The following CYFIP1 variants were observed in gnomAD, a reference collection of about 807,000 sequenced individuals.
The protein encoded by CYFIP1 is cytoplasmic FMR1 interacting protein 1, also known as cytoplasmic FMR1-interacting protein 1.
CYFIP1 carries 58 observed loss-of-function variants against 163.5 expected under a neutral mutation model. That is an observed-to-expected ratio of 0.35 (90% CI 0.29 to 0.44). CYFIP1 has a LOEUF of 0.44. Ranked by LOEUF, CYFIP1 falls within the 20% of genes least tolerant of loss-of-function variation. The pLI is 1.00. For missense variants in CYFIP1, 1,338 were observed against 1,653.8 expected, an observed-to-expected ratio of 0.81 and a Z score of 3.31; for synonymous variants, 663 against 660.7, an observed-to-expected ratio of 1.00 and a Z score of -0.05.
chr15:22,928,009 C>T lies in CYFIP1; in HGVS notation c.1130G>A (p.Arg377His), dbSNP rs370773976. 1.1e-5 allele frequency: 18 copies of T among 1,573,656 alleles called. No homozygotes were observed. The highest frequency in any genetic ancestry group is 9.5e-5 in the African/African-American group (7 of 73,572). Residue 377 changes from arginine (R) to histidine (H), a missense_variant, in exon 12 of 31, where the codon CGC becomes CAC. Physicochemically the swap from Arg to His is conservative, Grantham distance 29 (BLOSUM62 0). Transcript: ENST00000617928. ...SNSEVVTGSG[R>H]QEAQKTDAEY... ...CGCGTCCGTCTTCTGGGCCTCCTGGCGGCCCGAGCCCGTGACCACCTGCAC... is the reference window on the plus strand; with the variant it reads ...CGCGTCCGTCTTCTGGGCCTCCTGGTGGCCCGAGCCCGTGACCACCTGCAC...
chr15:22,906,667 A>G (rs933164394), intron 21 of CYFIP1, among the ~76,000 whole-genome samples: 9 of 151,734 alleles, frequency 5.9e-5, no homozygotes, highest in South Asian at 4.2e-4. Flanking sequence ...GGGTTTCACC[A>G]TGTTAGCCAG....
intron 29 of CYFIP1, 81 bp from the exon 30 acceptor site, chr15:22,873,053 T>C: frequency 1.3e-6 from 2 of 1,484,188 alleles, no homozygotes; most frequent in Non-Finnish European, 1.9e-6. Context: ...CAGATGTCAG[T>C]GACCAAGCCA....
At position 22,947,092 on chromosome 15, in the gene CYFIP1, G is replaced by A. The variant is rs2062086570; in HGVS notation, c.118C>T (p.Pro40Ser). 3.1e-6 allele frequency: 5 copies of A among 1,614,102 alleles called. No individual in the cohort carries two copies. The highest frequency in any genetic ancestry group is 4.2e-6 in the Non-Finnish European group (5 of 1,179,974). Reference protein sequence around the residue: ...EPPPSSLLYQPNFNTNFEDRN... With the variant: ...EPPPSSLLYQSNFNTNFEDRN... Reference sequence around the variant, plus strand: ...TCTTCAAAGTTAGTGTTGAAATTTGGCTGAAGGAAAGGAAGAGAAAAACAT... The same window carrying A: ...TCTTCAAAGTTAGTGTTGAAATTTGACTGAAGGAAAGGAAGAGAAAAACAT... Residue 40 changes from proline to serine, a missense_variant and splice_region_variant, in exon 3 of 31, where the codon CCA becomes TCA. Transcript: ENST00000617928.
intron 22 of CYFIP1, among the ~76,000 whole-genome samples, chr15:22,894,684 ATTTAT>A (rs546668703): frequency 1.7e-3 from 255 of 151,542 alleles, no homozygotes; most frequent in African/African-American, 5.7e-3. Flanking sequence ...GCAGGCCTTA[ATTTAT>A]TTTGTCTATG....
At position 22,925,978 on chromosome 15, in the gene CYFIP1, T is replaced by C; in HGVS notation, c.1359+4A>G. 1 of 1,612,998 alleles carries C rather than the reference T, an allele frequency of 6.2e-7. No homozygotes were observed. Among genetic ancestry groups the C allele is most frequent in the Non-Finnish European group, 8.5e-7 (1 of 1,179,192 alleles). ...AGGAAGAGCGAGCGGCCGAGCATCC[T>C]CACCTCCACTAGGGCAAACTTCTCC... On this transcript the variant is annotated splice_donor_region_variant and intron_variant, in intron 13 of 30. Coordinates refer to ENST00000617928, the MANE Select transcript of CYFIP1 (RefSeq NM_014608.6).
intron 10 of CYFIP1, among the ~76,000 whole-genome samples, chr15:22,933,054 A>C (rs1389152152): frequency 1.3e-5 from 2 of 151,890 alleles, no homozygotes; most frequent in African/African-American, 4.8e-5. Context: ...GGCTGGTCTC[A>C]AACTCCTGAG....
chr15:22,946,312 A>G (rs1258627688), intron 3 of CYFIP1, among the ~76,000 whole-genome samples: 2 of 151,896 alleles, frequency 1.3e-5, no homozygotes, highest in East Asian at 3.9e-4. Flanking sequence ...CAAAAAAAAA[A>G]AAGAAAGAAA....
chr15:22,913,003 T>C (rs1479476696), intron 17 of CYFIP1, among the ~76,000 whole-genome samples: 2 of 151,712 alleles, frequency 1.3e-5, no homozygotes, highest in Non-Finnish European at 2.9e-5. Context: ...TGAGACCAGG[T>C]TGGACAACAT....
In CYFIP1 at chr15:22,912,172, G is replaced by A; in HGVS notation, c.2082+7C>T. 6.2e-7 allele frequency: 1 copy of A among 1,609,682 alleles called. No individual in the cohort carries two copies. The highest frequency in any genetic ancestry group is 1.1e-5 in the South Asian group (1 of 90,738). On this transcript the variant is annotated splice_region_variant and intron_variant, in intron 18 of 30. Transcript: ENST00000617928. The stretch of plus-strand genomic sequence containing the variant: ...AATGAACAGAAATGGAGCTGCAGGG[G>A]CCTCACCTCGGCCTCAATTTCGTCG...
chr15:22,902,138 G>A (rs2060412435), intron 22 of CYFIP1, among the ~76,000 whole-genome samples: 9 of 152,210 alleles, frequency 5.9e-5, no homozygotes. Context: ...AGATAAGATG[G>A]AACCAGCCTG....
chr15:22,941,787 A>G (rs2061900599), intron 6 of CYFIP1, among the ~76,000 whole-genome samples: 1 of 152,128 alleles, frequency 6.6e-6, no homozygotes, highest in Non-Finnish European at 1.5e-5. Flanking sequence ...AGGCTTTAGA[A>G]TAAAGGTGCT....
At position 22,869,849 on chromosome 15, in the gene CYFIP1, A is replaced by C; in HGVS notation, c.*179T>G. The stretch of plus-strand genomic sequence containing the variant: ...ATTCTCAAGAGTTCCTAATTACCAA[A>C]AGCATATACAATTTTAGTCTAGAAA... On this transcript the variant is annotated 3_prime_UTR_variant, in exon 31 of 31. Coordinates refer to ENST00000617928, the MANE Select transcript of CYFIP1 (RefSeq NM_014608.6). The C allele has an allele frequency of 2.0e-6, 1 of 490,356 alleles. No homozygotes were observed. The highest frequency in any genetic ancestry group is 3.3e-6 in the Non-Finnish European group (1 of 300,642). The allele number at this position is 490,356 out of a possible 1,614,324, so 30.4% of individuals were successfully genotyped here.
intron 21 of CYFIP1, among the ~76,000 whole-genome samples, chr15:22,906,328 G>A (rs2060579454): frequency 6.6e-6 from 1 of 151,208 alleles, no homozygotes; most frequent in Non-Finnish European, 1.5e-5. Flanking sequence ...GCCTGGTCTT[G>A]AACTCCTGAC....
intron 22 of CYFIP1, among the ~76,000 whole-genome samples, chr15:22,900,291 C>A (rs537900939): frequency 6.6e-6 from 1 of 152,098 alleles, no homozygotes; most frequent in African/African-American, 2.4e-5. Context: ...ACTGAGGTCA[C>A]CGCCAGAAGT....
Position 22,873,504 on chromosome 15 carries a change from C to T in CYFIP1, c.3436G>A (p.Glu1146Lys), listed in dbSNP as rs2141828843. 6.2e-7 allele frequency: 1 copy of T among 1,613,474 alleles called. No homozygotes were observed. Among genetic ancestry groups the T allele is most frequent in the Non-Finnish European group, 8.5e-7 (1 of 1,179,408 alleles). ...FVYCIPVGTHEFTVEQCFGDG... is the reference protein window; with the variant it reads ...FVYCIPVGTHKFTVEQCFGDG... Reference sequence around the variant, plus strand: ...GCACACACTTACTCGACTGTGAACTCGTGTGTCCCCACGGGAATGCAGTAG... The same window carrying T: ...GCACACACTTACTCGACTGTGAACTTGTGTGTCCCCACGGGAATGCAGTAG... The change falls in exon 29 of 31, where the codon GAG (glutamate) becomes AAG (lysine). Residue 1146 changes from glutamate to lysine, a missense_variant. Around this residue, in one of 4 missense-constraint regions of CYFIP1, gnomAD observed 306 missense variants for 322.1 expected, o/e 0.95. Coordinates refer to ENST00000617928, the MANE Select transcript of CYFIP1 (RefSeq NM_014608.6).
At chr15:22,950,015 A>T (rs1476079516) in intron 1 of CYFIP1, among the ~76,000 whole-genome samples, 1 of 152,192 alleles carries the variant, frequency 6.6e-6, no homozygotes, top group African/African-American at 2.4e-5. Flanking sequence ...CCAAAGCAAA[A>T]TAGATAACAT....
chr15:22,908,675 C>G (rs1049534754), intron 21 of CYFIP1, among the ~76,000 whole-genome samples: 1 of 151,454 alleles, frequency 6.6e-6, no homozygotes, highest in African/African-American at 2.4e-5. Flanking sequence ...ACTACAGGTG[C>G]CTGCCACCAC....
At position 22,949,336 on chromosome 15, in the gene CYFIP1, C is replaced by T. The variant is rs898448092; in HGVS notation, c.-6-2045G>A. Among the ~76,000 whole-genome samples the T allele has an allele frequency of 1.3e-4, 20 of 151,496 alleles. 1 individual carries two copies. Among genetic ancestry groups the T allele is most frequent in the African/African-American group, 4.9e-4 (20 of 41,192 alleles). ...CGCCTAAGCCTAAAGCGGGGAGGTG[C>T]CAACTTGGGATCCTCCCTCAAGATG... is the stretch of plus-strand genomic sequence containing the variant. On this transcript the variant is annotated intron_variant, in intron 1 of 30. Transcript: ENST00000617928.
chr15:22,927,807 T>C, intron 12 of CYFIP1, 99 bp downstream of exon 12: 1 of 1,276,024 alleles, frequency 7.8e-7, no homozygotes, highest in South Asian at 1.5e-5. Context: ...TTCTCGTCTT[T>C]CTAGGGCCAA....
Sources: allele counts gnomAD v4.1 joint callset (sites outside exome capture counted in the v4.1 genomes callset), GRCh38; gene constraint gnomAD v4.1.1; regional missense constraint gnomAD v4.1.1; transcripts MANE v1.5; gene names NCBI Gene and HGNC (gene_info 2026-07-23, HGNC 2026-07-21).